The following MCM7 variants were observed in gnomAD, a reference collection of about 807,000 sequenced individuals.
MCM7 encodes the protein minichromosome maintenance complex component 7.
MCM7 carries 95 observed loss-of-function variants against 83.5 expected under a neutral mutation model. The observed-to-expected ratio is 1.14, with a 90% confidence interval of 0.96 to 1.35. MCM7 has a LOEUF of 1.35. Ranked by LOEUF, MCM7 falls within the 40% of genes most tolerant of loss-of-function variation. MCM7 has a pLI of 0.00. For missense variants in MCM7, 1,087 were observed against 957.4 expected, an observed-to-expected ratio of 1.14 and a Z score of -1.79; for synonymous variants, 461 against 352.7, an observed-to-expected ratio of 1.31 and a Z score of -3.44.
chr7:100,096,175 A>G lies in MCM7; in HGVS notation c.1202-8T>C, dbSNP rs1282831642. ...GGCCTGTTGTGTACTGGCCTGGAAGAGAAGAAATAAGGAACCATGAGAGAG... is the reference window on the plus strand; with the variant it reads ...GGCCTGTTGTGTACTGGCCTGGAAGGGAAGAAATAAGGAACCATGAGAGAG... On this transcript the variant is annotated splice_region_variant and splice_polypyrimidine_tract_variant and intron_variant, in intron 10 of 14. Transcript: ENST00000303887. The G allele has an allele frequency of 3.2e-6, 5 of 1,553,542 alleles. No individual in the cohort carries two copies. The highest frequency in any genetic ancestry group is 4.3e-6 in the Non-Finnish European group (5 of 1,151,492).
At chr7:100,097,158 C>CA (rs1371525942) in intron 10 of MCM7, 143 bp downstream of exon 10, 3 of 721,964 alleles carry the variant, frequency 4.2e-6, no homozygotes, top group Non-Finnish European at 4.6e-6. Context: ...GTCTCAAAAT[C>CA]CTCGCCTCAA....
intron 1 of MCM7, chr7:100,100,549 C>T (rs1029389242): frequency 4.9e-5 from 49 of 993,256 alleles, no homozygotes; most frequent in Middle Eastern, 5.1e-4. Flanking sequence ...AGCACATGGG[C>T]CCGGATTCCA....
At position 100,098,283 on chromosome 7, in the gene MCM7, T is replaced by A. The variant is rs750808300; in HGVS notation, c.728A>T (p.Gln243Leu). 3 of 1,614,088 alleles carry A rather than the reference T, an allele frequency of 1.9e-6. No individual in the cohort carries two copies. The highest frequency in any genetic ancestry group is 1.7e-6 in the Non-Finnish European group (2 of 1,179,992). ...QEMKMQEHSDQVPVGNIPRSI... is the reference protein window; with the variant it reads ...QEMKMQEHSDLVPVGNIPRSI... ...ACGAGGGATATTTCCCACAGGCACC[T>A]GATCACTCTAGGGGAGGGAAAGGCA... The change falls in exon 7 of 15, where the codon CAG (glutamine) becomes CTG (leucine). Residue 243 changes from glutamine to leucine, a missense_variant. Physicochemically the swap from Gln to Leu is moderately radical, Grantham distance 113 (BLOSUM62 -2). Transcript: ENST00000303887.
rs1795616394 is a variant in MCM7 at position 100,096,039 on chromosome 7, T to TGCAGCACACACCCTGGTCAGCCAG, written c.1306_1329dup (p.Leu436_Cys443dup). 1 of 1,613,944 alleles carries TGCAGCACACACCCTGGTCAGCCAG rather than the reference T, an allele frequency of 6.2e-7. No homozygotes were observed. Among genetic ancestry groups the TGCAGCACACACCCTGGTCAGCCAG allele is most frequent in the Admixed American group, 1.7e-5 (1 of 59,990 alleles). On this transcript the variant is annotated inframe_insertion, in exon 11 of 15. Transcript: ENST00000303887. ...TCAGCCATCTTGTCGAACTCATCAA[T>TGCAGCACACACCCTGGTCAGCCAG]GCAGCACACACCCTGGTCAGCCAGC... is the stretch of plus-strand genomic sequence containing the variant.
rs369513975 is a variant in MCM7, at chr7:100,098,730, C to T, written c.583-15G>A. The T allele has an allele frequency of 1.2e-4, 192 of 1,613,794 alleles. No homozygotes were observed. The highest frequency in any genetic ancestry group is 1.6e-4 in the Non-Finnish European group (185 of 1,179,900). On this transcript the variant is annotated splice_polypyrimidine_tract_variant and intron_variant, in intron 5 of 14. Coordinates refer to ENST00000303887, the MANE Select transcript of MCM7 (RefSeq NM_005916.5). ...GGAGACTGGATCTAGGATGTGAGAA[C>T]AGAAACACCAAAGGAACTCAGAAGG... is the stretch of plus-strand genomic sequence containing the variant.
At chr7:100,100,236 AACT>A in intron 1 of MCM7, 143 bp from the exon 2 acceptor site, 1 of 1,428,274 alleles carries the variant, frequency 7.0e-7, no homozygotes, top group Non-Finnish European at 9.2e-7. Context: ...AAGTGGGCAT[AACT>A]CTTTTTCACA....
chr7:100,099,675 C>A lies in MCM7; in HGVS notation c.190G>T (p.Asp64Tyr). The A allele has an allele frequency of 5.0e-6, 8 of 1,614,200 alleles. No homozygotes were observed. The highest frequency in any genetic ancestry group is 6.8e-6 in the Non-Finnish European group (8 of 1,180,048). ...DVAEDDPELVDSICENARRYA... is the reference protein window; with the variant it reads ...DVAEDDPELVYSICENARRYA... ...CGCCTGGCATTCTCACAAATTGAGTCCACCAACTCGGGGTCATCCTCGGCT... is the reference window on the plus strand; with the variant it reads ...CGCCTGGCATTCTCACAAATTGAGTACACCAACTCGGGGTCATCCTCGGCT... The change falls in exon 3 of 15, where the codon GAC becomes TAC. Residue 64 changes from aspartate to tyrosine, a missense_variant. Physicochemically the swap from Asp to Tyr is radical, Grantham distance 160. Transcript: ENST00000303887.
At position 100,097,332 on chromosome 7, in the gene MCM7, G is replaced by A. The variant is rs976399732; in HGVS notation, c.1170C>T (p.Leu390=). 2 of 1,614,184 alleles carry A rather than the reference G, an allele frequency of 1.2e-6. No homozygotes were observed. The highest frequency in any genetic ancestry group is 2.7e-5 in the African/African-American group (2 of 75,030). Residue 390 remains leucine, a synonymous_variant, in exon 10 of 15, where the codon CTC becomes CTT. Transcript: ENST00000303887. ...GCGCCAGTCGATCAATGTATGACAG[G>A]AGCTGAGACTTGGCCACACCAGGAT... is the stretch of plus-strand genomic sequence containing the variant. ...MGDPGVAKSQ[L]LSYIDRLAPR...
At chr7:100,095,099 A>C (rs532320180) in intron 12 of MCM7, among the ~76,000 whole-genome samples, 2 of 152,320 alleles carry the variant, frequency 1.3e-5, no homozygotes, top group East Asian at 1.9e-4. Context: ...GAATCGCTTG[A>C]ATCTGGGAGG....
chr7:100,100,299 G>C, intron 1 of MCM7: 1 of 1,315,804 alleles, frequency 7.6e-7, no homozygotes, highest in Admixed American at 3.5e-5. Context: ...AGTGCACAGG[G>C]CCATCCAACA....
intron 10 of MCM7, 122 bp from the exon 11 acceptor site, chr7:100,096,289 CCTT>C (rs1795632977): frequency 2.0e-6 from 2 of 981,904 alleles, no homozygotes; most frequent in Middle Eastern, 3.0e-4. Flanking sequence ...CTCCACCAGG[CCTT>C]CTTGAGATGC....
At position 100,097,371 on chromosome 7, in the gene MCM7, G is replaced by C; in HGVS notation, c.1131C>G (p.Ile377Met). ...CCACACCAGGATCCCCCATCAGACA[G>C]ATGTTGATGTTGCCTGGAGGAAGGG... ...RGMKIRGNIN[I>M]CLMGDPGVAK... is the part of the protein sequence containing the mutation. Residue 377 changes from isoleucine to methionine, a missense_variant, in exon 10 of 15, where the codon ATC becomes ATG. Coordinates refer to ENST00000303887, the MANE Select transcript of MCM7 (RefSeq NM_005916.5). The C allele has an allele frequency of 3.1e-6, 5 of 1,614,176 alleles. No individual in the cohort carries two copies. Among genetic ancestry groups the C allele is most frequent in the Non-Finnish European group, 4.2e-6 (5 of 1,180,008 alleles).
intron 10 of MCM7, 93 bp from the exon 11 acceptor site, chr7:100,096,260 G>T: frequency 7.7e-7 from 1 of 1,293,564 alleles, no homozygotes; most frequent in Non-Finnish European, 1.0e-6. Flanking sequence ...CGAGGCCTGC[G>T]CTGGGATCAT....
Position 100,095,963 on chromosome 7 carries a change from A to T in MCM7, c.1406T>A (p.Ile469Asn). The T allele has an allele frequency of 2.5e-6, 4 of 1,614,064 alleles. No individual in the cohort carries two copies. Among genetic ancestry groups the T allele is most frequent in the Middle Eastern group, 1.7e-4 (1 of 6,060 alleles). ...TGTGGTGAGAATGCCGGCCTTGGCAATGGAGATGGTCTGCTGCTCCATGAC... is the reference window on the plus strand; with the variant it reads ...TGTGGTGAGAATGCCGGCCTTGGCATTGGAGATGGTCTGCTGCTCCATGAC... ...HEVMEQQTISIAKAGILTTLN... is the reference protein window; with the variant it reads ...HEVMEQQTISNAKAGILTTLN... Residue 469 changes from isoleucine (I) to asparagine (N), a missense_variant, in exon 11 of 15, where the codon ATT (isoleucine) becomes AAT (asparagine). Ile to Asn is a moderately radical substitution (Grantham distance 149). Coordinates refer to ENST00000303887, the MANE Select transcript of MCM7 (RefSeq NM_005916.5).
Position 100,093,130 on chromosome 7 carries a change from A to G in MCM7, c.1962T>C (p.Thr654=). The change falls in exon 15 of 15, where the codon ACT becomes ACC. Residue 654 remains threonine, a synonymous_variant. Transcript: ENST00000303887. The part of the protein sequence containing the change: ...LLGDKGQTAR[T]QRPADVIFAT... Reference sequence around the variant, plus strand: ...CAAATATCACATCTGCTGGTCTCTGAGTCCTGAAGGAAATGAGTGGGTGTG... The same window carrying G: ...CAAATATCACATCTGCTGGTCTCTGGGTCCTGAAGGAAATGAGTGGGTGTG... 1 of 1,613,784 alleles carries G rather than the reference A, an allele frequency of 6.2e-7. No homozygotes were observed. The highest frequency in any genetic ancestry group is 8.5e-7 in the Non-Finnish European group (1 of 1,179,812).
Position 100,095,261 on chromosome 7 carries a change from C to G in MCM7, c.1679+126G>C. The G allele has an allele frequency of 9.7e-6, 8 of 822,606 alleles. No individual in the cohort carries two copies. In the South Asian group the frequency reaches 1.0e-4, roughly 10 times the overall value. The allele number at this position is 822,606 out of a possible 1,614,324, so 51.0% of individuals were successfully genotyped here. A position where few individuals can be genotyped will look rare whatever the true frequency, so the allele number is the denominator to read the frequency against. ...TTTCCACTTAAAAGCTGATCTGAGG[C>G]TCTGGACATGTCTGTAGCGGGAAGT... On this transcript the variant is annotated intron_variant, in intron 12 of 14. Coordinates refer to ENST00000303887, the MANE Select transcript of MCM7 (RefSeq NM_005916.5).
Position 100,097,864 on chromosome 7 carries a change from G to A in MCM7, c.955C>T (p.Leu319Phe). The A allele has an allele frequency of 6.2e-7, 1 of 1,614,134 alleles. No individual in the cohort carries two copies. Among genetic ancestry groups the A allele is most frequent in the Non-Finnish European group, 8.5e-7 (1 of 1,180,032 alleles). ...SEDDESGAGE[L>F]TREELRQIAE... is the part of the protein sequence containing the mutation. ...ATTTGCCTCAGCTCCTCCCTGGTGAGCTCTCCAGCCCCAGACTCATCATCC... is the reference window on the plus strand; with the variant it reads ...ATTTGCCTCAGCTCCTCCCTGGTGAACTCTCCAGCCCCAGACTCATCATCC... The change falls in exon 8 of 15, where the codon CTC (leucine) becomes TTC (phenylalanine). Residue 319 changes from leucine to phenylalanine, a missense_variant. By Grantham distance (22) the Leu-to-Phe change is conservative (BLOSUM62 0). Coordinates refer to ENST00000303887, the MANE Select transcript of MCM7 (RefSeq NM_005916.5).
chr7:100,098,216 G>A lies in MCM7; in HGVS notation c.795C>T (p.Ala265=), dbSNP rs1406900254. ...TGACGCTGACGTGGTCTCCAGGCTG[G>A]GCAATCCTTGTGTTCTCTCCTTCTA... ...VLVEGENTRI[A]QPGDHVSVTG... is the part of the protein sequence containing the mutation. Residue 265 remains alanine (A), a synonymous_variant, in exon 7 of 15, where the codon GCC becomes GCT. Coordinates refer to ENST00000303887, the MANE Select transcript of MCM7 (RefSeq NM_005916.5). 6.8e-6 allele frequency: 11 copies of A among 1,613,968 alleles called. 1 individual carries two copies. The highest frequency in any genetic ancestry group is 9.3e-6 in the Non-Finnish European group (11 of 1,180,018).
intron 1 of MCM7, chr7:100,100,419 G>T: frequency 9.7e-7 from 1 of 1,033,834 alleles, no homozygotes. Flanking sequence ...CCACCCCTAT[G>T]ATCCCCCGCC....
Sources: allele counts gnomAD v4.1 joint callset (sites outside exome capture counted in the v4.1 genomes callset), GRCh38; gene constraint gnomAD v4.1.1; transcripts MANE v1.5; gene names NCBI Gene and HGNC (gene_info 2026-07-23, HGNC 2026-07-21).